The following GRID2 variants were observed in gnomAD, a reference collection of about 807,000 sequenced individuals.
GRID2 encodes glutamate receptor ionotropic, delta-2.
Under a neutral mutation model 114.8 loss-of-function variants are expected in GRID2, and 33 were observed. The ratio of observed to expected loss-of-function variants is 0.29; its 90% confidence interval spans 0.22 to 0.38. The LOEUF is 0.38. GRID2 is among the 10% of genes least tolerant of loss of function. The pLI, the probability that GRID2 is intolerant of heterozygous loss-of-function variation, is 1.00. For synonymous variants in GRID2, 505 were observed against 449.9 expected (o/e 1.12, Z -1.55); for missense variants, 1,184 against 1,257.7 (o/e 0.94, Z 0.89).
intron 2 of GRID2, among the ~76,000 whole-genome samples, chr4:92,854,393 G>T (rs1016852267): frequency 6.6e-6 from 1 of 152,006 alleles, no homozygotes; most frequent in Non-Finnish European, 1.5e-5. Context: ...CAGGGGCAGA[G>T]ACATTTACTG....
chr4:93,748,624 A>G (rs1192779416), intron 14 of GRID2, among the ~76,000 whole-genome samples: 1 of 152,226 alleles, frequency 6.6e-6, no homozygotes, highest in Non-Finnish European at 1.5e-5. Flanking sequence ...ACTTAAAGGC[A>G]TGTGTGTAAC....
chr4:92,531,187 T>C (rs113923327), intron 1 of GRID2, among the ~76,000 whole-genome samples: 4 of 152,246 alleles, frequency 2.6e-5, no homozygotes, highest in African/African-American at 9.6e-5. Context: ...TCGGCATAGA[T>C]AGATGTTGGA....
chr4:92,794,874 T>TTTTATATATATATATATATATATA (rs139320071), intron 2 of GRID2, among the ~76,000 whole-genome samples: 1 of 106,052 alleles, frequency 9.4e-6, no homozygotes, highest in African/African-American at 4.2e-5. Context: ...AATAATTGTT[T>TTTTATATATATATATATATATATA]TATATATATA....
chr4:92,869,265 A>C (rs1177548736), intron 2 of GRID2, among the ~76,000 whole-genome samples: 2 of 152,240 alleles, frequency 1.3e-5, no homozygotes, highest in Non-Finnish European at 2.9e-5. Flanking sequence ...GATTAATTCA[A>C]GATGAAATTT....
intron 13 of GRID2, among the ~76,000 whole-genome samples, chr4:93,550,153 C>T (rs946889971): frequency 6.6e-6 from 1 of 152,058 alleles, no homozygotes; most frequent in African/African-American, 2.4e-5. Flanking sequence ...TGGTCACCTA[C>T]CTAGACTGGC....
At chr4:92,998,326 T>G (rs1755330141) in intron 2 of GRID2, among the ~76,000 whole-genome samples, 1 of 152,080 alleles carries the variant, frequency 6.6e-6, no homozygotes, top group Non-Finnish European at 1.5e-5. Flanking sequence ...TCACTGATCT[T>G]AATCAAAGAA....
At chr4:93,075,868 G>T (rs893604291) in intron 2 of GRID2, among the ~76,000 whole-genome samples, 2 of 135,148 alleles carry the variant, frequency 1.5e-5, no homozygotes, top group African/African-American at 5.5e-5. Flanking sequence ...GTATTGGGAT[G>T]TCGAAGTTAC....
At chr4:93,363,354 G>A (rs958316639) in intron 8 of GRID2, among the ~76,000 whole-genome samples, 1 of 152,104 alleles carries the variant, frequency 6.6e-6, no homozygotes, top group African/African-American at 2.4e-5. Flanking sequence ...CAGGCTATGA[G>A]ATCTACCTGC....
chr4:93,230,277 CT>C (rs1346823078), intron 7 of GRID2, among the ~76,000 whole-genome samples: 1 of 151,912 alleles, frequency 6.6e-6, no homozygotes, highest in Admixed American at 6.6e-5. Context: ...ACCTGATCAA[CT>C]TTCCAAACTT....
intron 14 of GRID2, among the ~76,000 whole-genome samples, chr4:93,725,625 C>A (rs1457243533): frequency 6.7e-6 from 1 of 149,566 alleles, no homozygotes; most frequent in Admixed American, 6.6e-5. Context: ...TCCTATTTCT[C>A]CACATCCTCT....
chr4:92,761,690 G>A (rs2149345621), intron 2 of GRID2, among the ~76,000 whole-genome samples: 1 of 152,144 alleles, frequency 6.6e-6, no homozygotes, highest in South Asian at 2.1e-4. Context: ...CACAAGGAAA[G>A]GCTTATAAAA....
At chr4:92,737,561 G>A (rs1020181034) in intron 2 of GRID2, among the ~76,000 whole-genome samples, 7 of 152,012 alleles carry the variant, frequency 4.6e-5, no homozygotes, top group African/African-American at 1.2e-4. Flanking sequence ...GCTAAGCTAC[G>A]TCTAATAGGA....
At chr4:92,495,654 C>A (rs1472865467) in intron 1 of GRID2, among the ~76,000 whole-genome samples, 1 of 151,346 alleles carries the variant, frequency 6.6e-6, no homozygotes, top group Non-Finnish European at 1.5e-5. Context: ...GCTTAATGTA[C>A]CATTTAAAGG....
At chr4:92,662,570 T>C (rs1441916986) in intron 2 of GRID2, among the ~76,000 whole-genome samples, 1 of 151,020 alleles carries the variant, frequency 6.6e-6, no homozygotes, top group Non-Finnish European at 1.5e-5. Flanking sequence ...GACACTACTT[T>C]GCAAACCAGG....
chr4:93,171,006 A>G (rs1425128394), intron 4 of GRID2, among the ~76,000 whole-genome samples: 1 of 152,148 alleles, frequency 6.6e-6, no homozygotes, highest in Non-Finnish European at 1.5e-5. Flanking sequence ...ATCTCTTTGC[A>G]TCTGCCCATG....
chr4:92,433,452 G>T (rs1261499994), intron 1 of GRID2, among the ~76,000 whole-genome samples: 1 of 152,196 alleles, frequency 6.6e-6, no homozygotes, highest in Non-Finnish European at 1.5e-5. Flanking sequence ...TTCCCCTCTG[G>T]CTAGGTCTCA....
intron 2 of GRID2, among the ~76,000 whole-genome samples, chr4:92,620,878 C>T (rs1241778512): frequency 1.3e-5 from 2 of 149,528 alleles, no homozygotes; most frequent in African/African-American, 4.9e-5. Flanking sequence ...ACCAACATGA[C>T]ACATGTATAC....
chr4:93,353,862 A>T (rs1479670869), intron 8 of GRID2, among the ~76,000 whole-genome samples: 3 of 152,020 alleles, frequency 2.0e-5, no homozygotes. Context: ...AGCAAAGAAG[A>T]TAATGTTCAC....
At chr4:93,667,044 T>C (rs1724006352) in intron 14 of GRID2, among the ~76,000 whole-genome samples, 1 of 152,090 alleles carries the variant, frequency 6.6e-6, no homozygotes, top group African/African-American at 2.4e-5. Context: ...GAAAACATAC[T>C]ATGTGATGAC....
Sources: allele counts gnomAD v4.1 joint callset (sites outside exome capture counted in the v4.1 genomes callset), GRCh38; gene constraint gnomAD v4.1.1; transcripts MANE v1.5; gene names NCBI Gene and HGNC (gene_info 2026-07-23, HGNC 2026-07-21).